Variants in CMSS1 observed in about 807,000 individuals in gnomAD.
The protein encoded by CMSS1 is cms1 ribosomal small subunit homolog.
A neutral mutation model predicts 43.5 loss-of-function variants in CMSS1; 33 were observed. The observed-to-expected ratio is 0.76, with a 90% CI of 0.57 to 1.01. The LOEUF (loss-of-function observed/expected upper bound fraction) is 1.01, where lower values mean the gene tolerates loss of function less well. Among genes scored for constraint, CMSS1 ranks in the 50% least tolerant of loss-of-function variants. The pLI, the probability that CMSS1 is intolerant of heterozygous loss-of-function variation, is 0.00. For synonymous variants in CMSS1, 115 were observed against 117.2 expected, an observed-to-expected ratio of 0.98 and a Z score of 0.12; for missense variants, 313 against 326.4, an observed-to-expected ratio of 0.96 and a Z score of 0.32.
intron 8 of CMSS1, among the ~76,000 whole-genome samples, chr3:100,173,209 G>A (rs1191685343): frequency 6.6e-6 from 1 of 152,146 alleles, no homozygotes; most frequent in Non-Finnish European, 1.5e-5. Flanking sequence ...TCCAGGGTTA[G>A]TTGAACCCAC....
chr3:100,119,957 C>T (rs1318158826), intron 1 of CMSS1, among the ~76,000 whole-genome samples: 1 of 152,222 alleles, frequency 6.6e-6, no homozygotes, highest in East Asian at 1.9e-4. Flanking sequence ...AGGGGAGCCT[C>T]TGTCTGCCTT....
intron 1 of CMSS1, among the ~76,000 whole-genome samples, chr3:99,875,555 ATTTTACT>A (rs1271397797): frequency 6.6e-6 from 1 of 152,140 alleles, no homozygotes; most frequent in African/African-American, 2.4e-5. Context: ...GCTTAAAAAG[ATTTTACT>A]TTTTAAGTTA....
intron 1 of CMSS1, among the ~76,000 whole-genome samples, chr3:100,014,900 T>TTTTTTTTTTTTTTTTTTTTTTTC (rs1710291609): frequency 1.4e-5 from 2 of 141,540 alleles, no homozygotes; most frequent in African/African-American, 2.6e-5. Flanking sequence ...TCTTTCTTTT[T>TTTTTTTTTTTTTTTTTTTTTTTC]TTTTTTTTTT....
At chr3:100,086,821 T>C (rs527701986) in intron 1 of CMSS1, among the ~76,000 whole-genome samples, 2 of 152,318 alleles carry the variant, frequency 1.3e-5, no homozygotes, top group East Asian at 1.9e-4. Flanking sequence ...GCAAAGCACT[T>C]CCATCACCCC....
At chr3:99,849,720 T>C in intron 1 of CMSS1, 1 of 1,613,824 alleles carries the variant, frequency 6.2e-7, no homozygotes, top group Non-Finnish European at 8.5e-7. Context: ...ATTCATCTTC[T>C]GTTTTCATGA....
intron 1 of CMSS1, among the ~76,000 whole-genome samples, chr3:99,915,177 T>C (rs1706913295): frequency 6.6e-6 from 1 of 152,180 alleles, no homozygotes; most frequent in African/African-American, 2.4e-5. Flanking sequence ...TATCCCATTC[T>C]CCCATGACCA....
intron 1 of CMSS1, among the ~76,000 whole-genome samples, chr3:99,950,379 G>T (rs987126847): frequency 6.6e-6 from 1 of 152,060 alleles, no homozygotes; most frequent in African/African-American, 2.4e-5. Context: ...TATTTCTATG[G>T]GTAGGGAAAT....
At chr3:100,042,000 T>C (rs1464635286) in intron 1 of CMSS1, among the ~76,000 whole-genome samples, 1 of 152,206 alleles carries the variant, frequency 6.6e-6, no homozygotes, top group Non-Finnish European at 1.5e-5. Flanking sequence ...CTATATGATC[T>C]GAGTCCCTTT....
In CMSS1 at chr3:100,013,235, T is replaced by TTGTTGC. The variant is rs1490868732; in HGVS notation, c.65-133733_65-133732insCTGTTG. ...TGAGGTGTTGTTGTTGTTGTTGTTG[T>TTGTTGC]TGTTGTTGTTGTTGTTGTTGTTGTT... On this transcript the variant is annotated intron_variant, in intron 1 of 9. Transcript: ENST00000421999. 4.0e-5 allele frequency among the ~76,000 whole-genome samples: 6 copies of TTGTTGC among 151,080 alleles called. No homozygotes were observed. The East Asian group carries it at 1.2e-3, about 30-fold the overall frequency.
intron 1 of CMSS1, among the ~76,000 whole-genome samples, chr3:99,910,565 G>A (rs1706756962): frequency 1.5e-5 from 2 of 136,580 alleles, no homozygotes; most frequent in African/African-American, 5.0e-5. Context: ...ACTTTCCAAG[G>A]AAACAATTTT....
chr3:99,916,283 A>G (rs752398777), intron 1 of CMSS1, among the ~76,000 whole-genome samples: 1 of 151,332 alleles, frequency 6.6e-6, no homozygotes, highest in Non-Finnish European at 1.5e-5. Flanking sequence ...TTAGGGCTTT[A>G]GATTGGGAAT....
rs137882426 is a variant in CMSS1, at chr3:100,042,520, A to G, written c.65-104453A>G. Among the ~76,000 whole-genome samples, 29 of 152,280 alleles carry G rather than the reference A, an allele frequency of 1.9e-4. 1 individual carries two copies. In the East Asian group the frequency reaches 5.2e-3, roughly 27 times the overall value. On this transcript the variant is annotated intron_variant, in intron 1 of 9. Transcript: ENST00000421999. ...GAGACAAATCATATCAGGCTCTTGT[A>G]TTATTTTATTACCAAGTGTATTTTA...
intron 1 of CMSS1, among the ~76,000 whole-genome samples, chr3:100,100,246 G>C (rs2066281458): frequency 6.6e-6 from 1 of 152,148 alleles, no homozygotes; most frequent in South Asian, 2.1e-4. Context: ...CCTGAGGAAA[G>C]GGTTGGACAA....
At chr3:100,012,305 G>A (rs978647546) in intron 1 of CMSS1, among the ~76,000 whole-genome samples, 2 of 152,112 alleles carry the variant, frequency 1.3e-5, no homozygotes, top group Non-Finnish European at 2.9e-5. Context: ...AATATGAGAT[G>A]TATAAAAATA....
At chr3:100,115,577 CT>C (rs2066555863) in intron 1 of CMSS1, among the ~76,000 whole-genome samples, 1 of 11,074 alleles carries the variant, frequency 9.0e-5, no homozygotes, top group Non-Finnish European at 1.7e-4. Context: ...CTCTCTCTGT[CT>C]CTCTCTCTCT....
At chr3:99,992,102 C>T (rs975649027) in intron 1 of CMSS1, among the ~76,000 whole-genome samples, 2 of 151,344 alleles carry the variant, frequency 1.3e-5, no homozygotes, top group Non-Finnish European at 2.9e-5. Flanking sequence ...TGTATCTTTG[C>T]TATTGTGCAT....
At chr3:99,917,536 C>G (rs1056214856) in intron 1 of CMSS1, among the ~76,000 whole-genome samples, 1 of 152,120 alleles carries the variant, frequency 6.6e-6, no homozygotes, top group African/African-American at 2.4e-5. Context: ...AGAGGCCTCA[C>G]TTTTCTCAAT....
chr3:99,986,040 CAAG>C (rs1429589277), intron 1 of CMSS1, among the ~76,000 whole-genome samples: 1 of 152,092 alleles, frequency 6.6e-6, no homozygotes, highest in Admixed American at 6.5e-5. Context: ...AAGTCAACAG[CAAG>C]AAGTTTATTC....
At chr3:100,037,959 G>GT (rs1392685507) in intron 1 of CMSS1, among the ~76,000 whole-genome samples, 3 of 92,402 alleles carry the variant, frequency 3.2e-5, no homozygotes, top group Non-Finnish European at 6.8e-5. Context: ...TTTTTTTTGG[G>GT]GGGGGAGGGA....
Sources: allele counts gnomAD v4.1 joint callset (sites outside exome capture counted in the v4.1 genomes callset), GRCh38; gene constraint gnomAD v4.1.1; transcripts MANE v1.5; gene names NCBI Gene and HGNC (gene_info 2026-07-23, HGNC 2026-07-21).